SBF1: variants seen among roughly 807,000 people sequenced by gnomAD.
The protein encoded by SBF1 is myotubularin-related protein 5.
A neutral mutation model predicts 215.8 loss-of-function variants in SBF1; 65 were observed. That is an observed-to-expected ratio of 0.30 (90% confidence interval 0.25 to 0.37). The LOEUF is 0.37. Among genes scored for constraint, SBF1 ranks in the 10% least tolerant of loss-of-function variants. The pLI, the probability that SBF1 is intolerant of heterozygous loss-of-function variation, is 1.00. For missense variants in SBF1, 2,634 were observed against 2,667.8 expected (o/e 0.99, Z 0.28); for synonymous variants, 1,410 against 1,122.8 (o/e 1.26, Z -5.11).
At chr22:50,466,969 A>G in intron 5 of SBF1, 1 of 555,172 alleles carries the variant, frequency 1.8e-6, no homozygotes, top group East Asian at 3.0e-5. Flanking sequence ...AGAAACAAAG[A>G]ATCCATACCG....
intron 1 of SBF1, among the ~76,000 whole-genome samples, chr22:50,472,494 C>T (rs76129886): frequency 1.2e-3 from 180 of 152,320 alleles, no homozygotes; most frequent in African/African-American, 4.0e-3. Context: ...CTAGAGAGTT[C>T]ACACACCTGC....
intron 31 of SBF1, 53 bp downstream of exon 31, chr22:50,456,163 C>A: frequency 1.3e-6 from 2 of 1,586,374 alleles, no homozygotes; most frequent in Admixed American, 1.7e-5. Context: ...TGGCTCTACC[C>A]AAGGGGAGGG....
chr22:50,453,750 A>G (rs537349606), intron 36 of SBF1, among the ~76,000 whole-genome samples: 2 of 152,130 alleles, frequency 1.3e-5, no homozygotes, highest in South Asian at 2.1e-4. Context: ...TCGCGCCACT[A>G]CACTCCAGCC....
chr22:50,449,657 C>CA (rs71198249), intron 36 of SBF1, among the ~76,000 whole-genome samples: 38 of 145,092 alleles, frequency 2.6e-4, no homozygotes, highest in Non-Finnish European at 5.4e-4. Context: ...CACACACACA[C>CA]CCCAAAATGG....
In SBF1 at chr22:50,474,865, G is replaced by A. The variant is rs966294404; in HGVS notation, c.-25C>T. The stretch of plus-strand genomic sequence containing the variant: ...TGGCGAGGGACGCGGGGCGGCCCGA[G>A]GGGCGCGGGCGGGCTCCGCGGCTCG... On this transcript the variant is annotated 5_prime_UTR_variant, in exon 1 of 41. Coordinates refer to ENST00000380817, the MANE Select transcript of SBF1 (RefSeq NM_002972.4). 42 of 1,369,878 alleles carry A rather than the reference G, an allele frequency of 3.1e-5. No homozygotes were observed. The highest frequency in any genetic ancestry group is 3.8e-5 in the Non-Finnish European group (41 of 1,065,470). The allele number at this position is 1,369,878 out of a possible 1,614,324, so 84.9% of individuals were successfully genotyped here.
chr22:50,462,364 A>G lies in SBF1; in HGVS notation c.2237T>C (p.Val746Ala), dbSNP rs1362525741. 6.2e-7 allele frequency: 1 copy of G among 1,613,972 alleles called. No individual in the cohort carries two copies. Among genetic ancestry groups the G allele is most frequent in the African/African-American group, 1.3e-5 (1 of 74,932 alleles). ...TLSREKQQELVQKEESTVFSQ... is the reference protein window; with the variant it reads ...TLSREKQQELAQKEESTVFSQ... ...GAACACCGTGCTCTCCTCCTTCTGC[A>G]CCAGCTCCTGCTGCTTCTCACGACT... The change falls in exon 19 of 41, where the codon GTG (valine) becomes GCG (alanine). Residue 746 changes from valine to alanine, a missense_variant. Physicochemically the swap from Val to Ala is moderately conservative, Grantham distance 64. Coordinates refer to ENST00000380817, the MANE Select transcript of SBF1 (RefSeq NM_002972.4).
chr22:50,460,622 T>C lies in SBF1; in HGVS notation c.3058A>G (p.Ile1020Val), dbSNP rs560106517. ...QLHKLRYPPD[I>V]RATFAFTLGS... ...AAGGTGAACGCAAAGGTGGCCCTGA[T>C]GTCCGGCGGGTACCGCAGCTTATGC... Residue 1020 changes from isoleucine (I) to valine (V), a missense_variant, in exon 24 of 41, where the codon ATC (isoleucine) becomes GTC (valine). By Grantham distance (29) the Ile-to-Val change is conservative. Transcript: ENST00000380817. The C allele has an allele frequency of 4.6e-5, 74 of 1,614,086 alleles. No individual in the cohort carries two copies. Among genetic ancestry groups the C allele is most frequent in the Non-Finnish European group, 6.3e-5 (74 of 1,180,034 alleles).
At chr22:50,468,256 T>C (rs774261733) in intron 2 of SBF1, 120 bp downstream of exon 2, 50 of 954,650 alleles carry the variant, frequency 5.2e-5, no homozygotes, top group Non-Finnish European at 7.2e-5. Flanking sequence ...TCTGCTGTCT[T>C]GTCCCTAGCC....
Position 50,463,362 on chromosome 22 carries a change from A to T in SBF1, c.1820T>A (p.Leu607Gln), listed in dbSNP as rs2067603835. 1 of 1,610,090 alleles carries T rather than the reference A, an allele frequency of 6.2e-7. No individual in the cohort carries two copies. Reference protein sequence around the residue: ...ARRCLAQELHLHVQQNRAVLD... With the variant: ...ARRCLAQELHQHVQQNRAVLD... Reference sequence around the variant, plus strand: ...GACCGCACGGTTCTGCTGCACATGCAGGTGCAGCTCCTGGGCGAGGCAGCG... The same window carrying T: ...GACCGCACGGTTCTGCTGCACATGCTGGTGCAGCTCCTGGGCGAGGCAGCG... Residue 607 changes from leucine to glutamine, a missense_variant, in exon 16 of 41, where the codon CTG becomes CAG. Physicochemically the swap from Leu to Gln is moderately radical, Grantham distance 113. Coordinates refer to ENST00000380817, the MANE Select transcript of SBF1 (RefSeq NM_002972.4).
Position 50,454,825 on chromosome 22 carries a change from C to T in SBF1, c.4801G>A (p.Glu1601Lys), listed in dbSNP as rs770245860. ...AGGCCCCAGCTTACCTCTGCGTCCT[C>T]GGGCGCATACATGTAATTGTGGAAC... is the stretch of plus-strand genomic sequence containing the variant. Reference protein sequence around the residue: ...PVFHNYMYAPEDAEVLRPYSN... With the variant: ...PVFHNYMYAPKDAEVLRPYSN... The change falls in exon 35 of 41, where the codon GAG becomes AAG. Residue 1601 changes from glutamate to lysine, a missense_variant. By Grantham distance (56) the Glu-to-Lys change is moderately conservative. Coordinates refer to ENST00000380817, the MANE Select transcript of SBF1 (RefSeq NM_002972.4). 5.0e-6 allele frequency: 8 copies of T among 1,613,874 alleles called. No homozygotes were observed. The Admixed American group carries it at 5.0e-5, about 10-fold the overall frequency.
rs771002611 is a variant in SBF1, at chr22:50,460,326, T to TG, written c.3228dup (p.Ser1077GlnfsTer11). On this transcript the variant is annotated frameshift_variant, in exon 25 of 41. Transcript: ENST00000380817. LOFTEE classifies it high-confidence loss of function. Reference sequence around the variant, plus strand: ...GGCGGCTGGCCCCGGTGCTCCCAGCTGGGGGGGTTGTACTTCTTGCGAGTG... The same window carrying TG: ...GGCGGCTGGCCCCGGTGCTCCCAGCTGGGGGGGGTTGTACTTCTTGCGAGTG... 8 of 1,612,740 alleles carry TG rather than the reference T, an allele frequency of 5.0e-6. No homozygotes were observed. The highest frequency in any genetic ancestry group is 4.2e-6 in the Non-Finnish European group (5 of 1,179,354).
intron 1 of SBF1, among the ~76,000 whole-genome samples, chr22:50,471,250 G>A (rs1418358525): frequency 2.6e-5 from 4 of 152,222 alleles, no homozygotes; most frequent in African/African-American, 7.2e-5. Context: ...TGGGGCTTCT[G>A]TCCTGAAAGC....
At chr22:50,454,044 G>A (rs934773123) in intron 36 of SBF1, among the ~76,000 whole-genome samples, 9 of 152,296 alleles carry the variant, frequency 5.9e-5, no homozygotes, top group Non-Finnish European at 2.9e-5. Context: ...AGGCCCACCA[G>A]GGATGGCACA....
chr22:50,467,676 C>T lies in SBF1; in HGVS notation c.294G>A (p.Val98=). 1 of 1,613,138 alleles carries T rather than the reference C, an allele frequency of 6.2e-7. No individual in the cohort carries two copies. The highest frequency in any genetic ancestry group is 8.5e-7 in the Non-Finnish European group (1 of 1,179,628). The change falls in exon 4 of 41, where the codon GTG becomes GTA. Residue 98 remains valine (V), a synonymous_variant. Coordinates refer to ENST00000380817, the MANE Select transcript of SBF1 (RefSeq NM_002972.4). ...PAEPSQETTR[V]EDATEREEEG... ...CTTCCTCCCTCTCTGTGGCATCCTC[C>T]ACGCGCGTCGTTTCCTGCTGGGGGT...
At chr22:50,464,304 C>T (rs773996093) in intron 15 of SBF1, 25 bp downstream of exon 15, 222 of 1,585,964 alleles carry the variant, frequency 1.4e-4, no homozygotes, top group Non-Finnish European at 1.7e-4. Context: ...TGCCCTGGCC[C>T]GGCTGGAGCC....
At chr22:50,472,055 G>C (rs2068014982) in intron 1 of SBF1, among the ~76,000 whole-genome samples, 1 of 152,224 alleles carries the variant, frequency 6.6e-6, no homozygotes, top group Non-Finnish European at 1.5e-5. Context: ...GCTGTGATCA[G>C]GCCAAGAGCC....
At position 50,448,544 on chromosome 22, in the gene SBF1, C is replaced by G; in HGVS notation, c.5150G>C (p.Arg1717Pro). ...AQRLEGRPDG[R>P]GTPSSLLVST... Reference sequence around the variant, plus strand: ...ACGCTCACACTGGCCCTCACTCACACGGCCGTCTGGCCGGCCCTCGAGGCG... The same window carrying G: ...ACGCTCACACTGGCCCTCACTCACAGGGCCGTCTGGCCGGCCCTCGAGGCG... The change falls in exon 37 of 41, where the codon CGT becomes CCT. Residue 1717 changes from arginine to proline, a missense_variant and splice_region_variant. Coordinates refer to ENST00000380817, the MANE Select transcript of SBF1 (RefSeq NM_002972.4). 1.2e-6 allele frequency: 2 copies of G among 1,611,758 alleles called. No homozygotes were observed. Among genetic ancestry groups the G allele is most frequent in the Middle Eastern group, 1.7e-4 (1 of 6,060 alleles).
intron 15 of SBF1, among the ~76,000 whole-genome samples, 164 bp from the exon 16 acceptor site, chr22:50,463,596 C>A (rs2067614912): frequency 6.6e-6 from 1 of 152,232 alleles, no homozygotes; most frequent in African/African-American, 2.4e-5. Flanking sequence ...CTCCAGTGGG[C>A]CCGACAACTC....
In SBF1 at chr22:50,447,464, C is replaced by T. The variant is rs768505585; in HGVS notation, c.5452-11G>A. ...GTCGTAGTAGCGCAGCTGGAGGAGG[C>T]CACAGAGTCAGCGGAGCCCCCTCCC... On this transcript the variant is annotated splice_polypyrimidine_tract_variant and intron_variant, in intron 39 of 40. Transcript: ENST00000380817. 1.9e-6 allele frequency: 3 copies of T among 1,612,244 alleles called. No individual in the cohort carries two copies. Among genetic ancestry groups the T allele is most frequent in the African/African-American group, 1.3e-5 (1 of 74,814 alleles).
Sources: allele counts gnomAD v4.1 joint callset (sites outside exome capture counted in the v4.1 genomes callset), GRCh38; gene constraint gnomAD v4.1.1; transcripts MANE v1.5; gene names NCBI Gene and HGNC (gene_info 2026-07-23, HGNC 2026-07-21).